DENND1B: variants seen among roughly 807,000 people sequenced by gnomAD.
DENND1B encodes the protein DENN domain-containing protein 1B.
A neutral mutation model predicts 90.1 loss-of-function variants in DENND1B; 59 were observed. The observed-to-expected ratio is 0.65, with a 90% CI of 0.53 to 0.81. The LOEUF (loss-of-function observed/expected upper bound fraction) is 0.81, where lower values mean the gene tolerates loss of function less well. Ranked by LOEUF, DENND1B falls within the 40% of genes least tolerant of loss-of-function variation. The pLI is 0.00. For missense variants in DENND1B, 862 were observed against 912.6 expected (o/e 0.94, Z 0.71); for synonymous variants, 337 against 324.6 (o/e 1.04, Z -0.41).
At chr1:197,732,890 A>G (rs1436263006) in intron 2 of DENND1B, among the ~76,000 whole-genome samples, 2 of 152,208 alleles carry the variant, frequency 1.3e-5, no homozygotes, top group African/African-American at 4.8e-5. Flanking sequence ...AGATGCAACC[A>G]TCTCCTCCAA....
chr1:197,735,274 A>G (rs1291707774), intron 2 of DENND1B: 9 of 1,159,376 alleles, frequency 7.8e-6, no homozygotes, highest in Non-Finnish European at 9.7e-6. Flanking sequence ...CCACCCAAAT[A>G]CTGGAGGCAG....
intron 2 of DENND1B, chr1:197,734,485 A>C (rs1662450451): frequency 1.0e-6 from 1 of 977,730 alleles, no homozygotes; most frequent in African/African-American, 1.8e-5. Flanking sequence ...TATGATTACA[A>C]CCACATTTAA....
intron 20 of DENND1B, among the ~76,000 whole-genome samples, chr1:197,530,844 G>T (rs1442286987): frequency 6.6e-6 from 1 of 152,112 alleles, no homozygotes. Flanking sequence ...TAAACATTAA[G>T]GCTTAGGGAT....
intron 5 of DENND1B, among the ~76,000 whole-genome samples, chr1:197,665,941 T>C (rs1482736229): frequency 6.6e-6 from 1 of 152,170 alleles, no homozygotes; most frequent in Non-Finnish European, 1.5e-5. Context: ...CAATGAACTC[T>C]GGATAATCAA....
At chr1:197,626,985 T>C (rs540593633) in intron 10 of DENND1B, among the ~76,000 whole-genome samples, 22 of 152,218 alleles carry the variant, frequency 1.4e-4, no homozygotes, top group Middle Eastern at 6.8e-3. Context: ...CAGGAAGAAG[T>C]TGAATCTCTG....
intron 3 of DENND1B, among the ~76,000 whole-genome samples, chr1:197,675,066 A>T (rs575321364): frequency 6.6e-6 from 1 of 152,266 alleles, no homozygotes; most frequent in South Asian, 2.1e-4. Flanking sequence ...TTAAACTTTA[A>T]ACTTGAAGAC....
At chr1:197,573,684 T>C (rs1445757385) in intron 15 of DENND1B, among the ~76,000 whole-genome samples, 1 of 152,158 alleles carries the variant, frequency 6.6e-6, no homozygotes, top group Non-Finnish European at 1.5e-5. Flanking sequence ...CTGACAAACA[T>C]TGATGCGAAA....
rs1281679260 is a variant in DENND1B at position 197,504,885 on chromosome 1, A to G, written c.*5575T>C. 2.0e-5 allele frequency: 3 copies of G among 151,854 alleles called. No individual in the cohort carries two copies. The highest frequency in any genetic ancestry group is 7.2e-5 in the African/African-American group (3 of 41,400). 9.4% of individuals were successfully genotyped at this position (151,854 alleles called of 1,614,324 possible). On this transcript the variant is annotated 3_prime_UTR_variant, in exon 23 of 23. Transcript: ENST00000620048. ...CTTTTATACACATCTTCCCAATAGTAGTCAAGTTTGGAGATGATTTATACT... is the reference window on the plus strand; with the variant it reads ...CTTTTATACACATCTTCCCAATAGTGGTCAAGTTTGGAGATGATTTATACT...
chr1:197,599,565 G>T (rs185501311), intron 13 of DENND1B, among the ~76,000 whole-genome samples: 1 of 151,784 alleles, frequency 6.6e-6, no homozygotes, highest in Admixed American at 6.6e-5. Context: ...GTAGAACAAA[G>T]TTATAAAGTT....
At chr1:197,672,477 C>G (rs570647285) in intron 4 of DENND1B, among the ~76,000 whole-genome samples, 2 of 152,084 alleles carry the variant, frequency 1.3e-5, no homozygotes, top group African/African-American at 2.4e-5. Context: ...ATTACTGAAA[C>G]TGTAGAAGCA....
At chr1:197,616,589 G>T (rs1262834511) in intron 11 of DENND1B, among the ~76,000 whole-genome samples, 1 of 150,994 alleles carries the variant, frequency 6.6e-6, no homozygotes, top group African/African-American at 2.4e-5. Flanking sequence ...TCAATATGTG[G>T]CCAAGTACAT....
rs190049403 is a variant in DENND1B, at chr1:197,745,048, C to T, written c.82+27820G>A. Among the ~76,000 whole-genome samples, 13 of 152,316 alleles carry T rather than the reference C, an allele frequency of 8.5e-5. No individual in the cohort carries two copies. In the East Asian group the frequency reaches 2.5e-3, roughly 29 times the overall value. ...TTCACAAAATTGAAGAGAGTTAAGA[C>T]CTTGCTCTGGATTAGGCTGTGACTT... On this transcript the variant is annotated intron_variant, in intron 2 of 22. Coordinates refer to ENST00000620048, the MANE Select transcript of DENND1B (RefSeq NM_001195215.2).
chr1:197,508,485 G>A lies in DENND1B; in HGVS notation c.*1975C>T, dbSNP rs1232868781. ...TAATGTATACAGTCCATACTTATAA[G>A]GGAAACAAGAATTGTCTTCTTATAT... On this transcript the variant is annotated 3_prime_UTR_variant, in exon 23 of 23. Coordinates refer to ENST00000620048, the MANE Select transcript of DENND1B (RefSeq NM_001195215.2). 1 of 151,590 alleles carries A rather than the reference G, an allele frequency of 6.6e-6. No homozygotes were observed. Among genetic ancestry groups the A allele is most frequent in the Non-Finnish European group, 1.5e-5 (1 of 67,780 alleles). 9.4% of individuals were successfully genotyped at this position (151,590 alleles called of 1,614,324 possible). A position where few individuals can be genotyped will look rare whatever the true frequency, so the allele number is the denominator to read the frequency against.
At chr1:197,592,859 AT>A (rs961415876) in intron 14 of DENND1B, among the ~76,000 whole-genome samples, 1 of 152,188 alleles carries the variant, frequency 6.6e-6, no homozygotes, top group Admixed American at 6.5e-5. Flanking sequence ...CAATCATAAA[AT>A]TTTAAAAAGT....
At chr1:197,547,074 C>A (rs970907169) in intron 16 of DENND1B, among the ~76,000 whole-genome samples, 1 of 152,114 alleles carries the variant, frequency 6.6e-6, no homozygotes, top group Non-Finnish European at 1.5e-5. Flanking sequence ...CTTAAATACT[C>A]CCTAAGTCGC....
At chr1:197,536,381 ATAAT>A (rs1404855401) in intron 20 of DENND1B, among the ~76,000 whole-genome samples, 1 of 152,212 alleles carries the variant, frequency 6.6e-6, no homozygotes, top group African/African-American at 2.4e-5. Flanking sequence ...TTAAAACTAA[ATAAT>A]TAAAATCAAG....
intron 15 of DENND1B, among the ~76,000 whole-genome samples, chr1:197,579,920 C>G (rs1211857616): frequency 6.6e-6 from 1 of 151,856 alleles, no homozygotes; most frequent in Admixed American, 6.6e-5. Context: ...CATTTTAAGG[C>G]TTGTTTCTTC....
In DENND1B at chr1:197,775,144, C is replaced by A; in HGVS notation, c.12G>T (p.Arg4Ser). Residue 4 changes from arginine to serine, a missense_variant, in exon 1 of 23, where the codon AGG (arginine) becomes AGT (serine). Physicochemically the swap from Arg to Ser is moderately radical, Grantham distance 110. Transcript: ENST00000620048. ...GCCCGGGCCCCCCCACTCACTTGGT[C>A]CTGCAGTCCATGGTTACATGTCGGT... MDC[R>S]TKANPDRTFD... is the part of the protein sequence containing the mutation. 7.6e-7 allele frequency: 1 copy of A among 1,308,186 alleles called. No homozygotes were observed. The highest frequency in any genetic ancestry group is 2.5e-5 in the South Asian group (1 of 40,398). The allele number at this position is 1,308,186 out of a possible 1,614,324, so 81.0% of individuals were successfully genotyped here.
At chr1:197,563,475 A>C (rs1031594049) in intron 15 of DENND1B, among the ~76,000 whole-genome samples, 1 of 151,980 alleles carries the variant, frequency 6.6e-6, no homozygotes, top group Non-Finnish European at 1.5e-5. Flanking sequence ...ATCTGCTTAC[A>C]CCATGTTTTA....
Sources: gnomAD v4.1 joint callset for allele counts (sites outside exome capture counted in the v4.1 genomes callset) on GRCh38, gnomAD v4.1.1 for gene constraint, MANE v1.5 for transcripts, NCBI Gene and HGNC (gene_info 2026-07-23, HGNC 2026-07-21) for gene names.